RIC3: variants seen among roughly 807,000 people sequenced by gnomAD.
RIC3 encodes the protein protein RIC-3.
RIC3 carries 28 observed loss-of-function variants against 27.3 expected under a neutral mutation model. That is an observed-to-expected ratio of 1.02 (90% confidence interval 0.76 to 1.41). RIC3 has a LOEUF of 1.41. Ranked by LOEUF, RIC3 falls within the 40% of genes most tolerant of loss-of-function variation. The pLI, the probability that RIC3 is intolerant of heterozygous loss-of-function variation, is 0.00. For synonymous variants in RIC3, 184 were observed against 160.4 expected (o/e 1.15, Z -1.11); for missense variants, 501 against 444.7 (o/e 1.13, Z -1.14).
the RIC3 span, among the ~76,000 whole-genome samples, chr11:8,094,594 G>A: frequency 5.3e-5 from 8 of 152,308 alleles, no homozygotes; most frequent in Non-Finnish European, 8.8e-5. Flanking sequence ...AGCCCTCGCC[G>A]TCAGCTCTTC....
At chr11:8,154,651 T>C (rs986159843) in intron 1 of RIC3, among the ~76,000 whole-genome samples, 3 of 152,066 alleles carry the variant, frequency 2.0e-5, no homozygotes, top group Non-Finnish European at 4.4e-5. Flanking sequence ...CATATTATAA[T>C]TTATTTACCC....
At chr11:8,148,038 GA>G (rs1459422569) in intron 1 of RIC3, among the ~76,000 whole-genome samples, 2 of 152,088 alleles carry the variant, frequency 1.3e-5, no homozygotes, top group Non-Finnish European at 2.9e-5. Context: ...TAAAAAATCA[GA>G]ATTTAGTTCT....
the RIC3 span, chr11:8,096,558 AGT>A: frequency 2.3e-3 from 1,670 of 715,652 alleles, 14 homozygotes; most frequent in Non-Finnish European, 2.8e-3. Flanking sequence ...TATGGCTAAG[AGT>A]GTGTGCATAA....
chr11:8,100,728 GGGAAATCCAA>G, the RIC3 span: 1 of 1,567,230 alleles, frequency 6.4e-7, no homozygotes, highest in African/African-American at 1.4e-5. Context: ...TGGAGGTCTA[GGGAAATCCAA>G]GGACCCCCAT....
At chr11:8,144,184 C>T (rs1022197561) in intron 1 of RIC3, among the ~76,000 whole-genome samples, 1 of 151,928 alleles carries the variant, frequency 6.6e-6, no homozygotes, top group Admixed American at 6.6e-5. Context: ...CAAATGGGAT[C>T]TAATGAAACT....
chr11:8,111,175 T>C (rs903790173), intron 5 of RIC3, 38 bp from the exon 6 acceptor site: 15 of 1,379,896 alleles, frequency 1.1e-5, no homozygotes, highest in Non-Finnish European at 1.3e-5. Flanking sequence ...ACAAAGAATG[T>C]CTCCTCAAAA....
At chr11:8,103,874 C>A (rs991397930), downstream of RIC3, 5 of 152,264 alleles carry the variant, frequency 3.3e-5, no homozygotes, top group Non-Finnish European at 7.3e-5. Context: ...ATCAGAAGCA[C>A]AAAGGAAAAC....
intron 5 of RIC3, among the ~76,000 whole-genome samples, chr11:8,111,612 C>T (rs1450216911): frequency 6.6e-6 from 1 of 152,178 alleles, no homozygotes; most frequent in African/African-American, 2.4e-5. Context: ...ATGAAGCTTT[C>T]TATTTATCCA....
intron 4 of RIC3, among the ~76,000 whole-genome samples, chr11:8,133,158 C>T (rs1186778472): frequency 6.6e-6 from 1 of 152,146 alleles, no homozygotes; most frequent in Non-Finnish European, 1.5e-5. Context: ...TCTGGTGCCT[C>T]CCTCTTTTGT....
the RIC3 span, among the ~76,000 whole-genome samples, chr11:8,094,798 G>C: frequency 6.6e-6 from 1 of 152,222 alleles, no homozygotes; most frequent in African/African-American, 2.4e-5. Flanking sequence ...TTCACGGACA[G>C]TGGTTTCCAG....
intron 3 of RIC3, among the ~76,000 whole-genome samples, chr11:8,137,754 T>C (rs1282128453): frequency 6.9e-6 from 1 of 144,166 alleles, no homozygotes; most frequent in Non-Finnish European, 1.5e-5. Context: ...GCCAAGTCTC[T>C]TACTTGCGGG....
At chr11:8,093,438 A>G in the RIC3 span, among the ~76,000 whole-genome samples, 1 of 152,106 alleles carries the variant, frequency 6.6e-6, no homozygotes, top group Non-Finnish European at 1.5e-5. Context: ...GCAATCAGAA[A>G]CCATTCAAGG....
At chr11:8,111,274 C>A in intron 5 of RIC3, 137 bp from the exon 6 acceptor site, 1 of 663,846 alleles carries the variant, frequency 1.5e-6, no homozygotes. Flanking sequence ...TCTAAGATTC[C>A]AATAGTTCTA....
the RIC3 span, chr11:8,100,669 G>C: frequency 6.4e-7 from 1 of 1,557,438 alleles, no homozygotes; most frequent in Non-Finnish European, 8.8e-7. Flanking sequence ...TCTAAGGGCA[G>C]AACTCCAGCT....
At chr11:8,146,058 G>A (rs72849324) in intron 1 of RIC3, among the ~76,000 whole-genome samples, 3 of 152,250 alleles carry the variant, frequency 2.0e-5, no homozygotes, top group Non-Finnish European at 4.4e-5. Flanking sequence ...CTCAAATAAG[G>A]TTATATATAT....
At chr11:8,118,165 G>C (rs929539706) in intron 5 of RIC3, among the ~76,000 whole-genome samples, 10 of 149,286 alleles carry the variant, frequency 6.7e-5, no homozygotes, top group Non-Finnish European at 8.9e-5. Context: ...GGAGCTTGTA[G>C]TGAGCCAAGA....
chr11:8,168,662 C>T (rs1007786156), intron 1 of RIC3, among the ~76,000 whole-genome samples: 4 of 152,246 alleles, frequency 2.6e-5, no homozygotes, highest in African/African-American at 9.6e-5. Context: ...ACCCTTCCAG[C>T]AGCAGAACCA....
chr11:8,139,738 T>A, intron 2 of RIC3: 1 of 492,342 alleles, frequency 2.0e-6, no homozygotes, highest in Non-Finnish European at 3.6e-6. Context: ...TAGTTCTGCC[T>A]TGTTAGTTGT....
At chr11:8,158,102 T>C (rs1325529420) in intron 1 of RIC3, among the ~76,000 whole-genome samples, 1 of 152,180 alleles carries the variant, frequency 6.6e-6, no homozygotes. Context: ...GAAGCTAGTT[T>C]AAGATAACAC....
Sources: gnomAD v4.1 joint callset for allele counts (sites outside exome capture counted in the v4.1 genomes callset) on GRCh38, gnomAD v4.1.1 for gene constraint, MANE v1.5 for transcripts, NCBI Gene and HGNC (gene_info 2026-07-23, HGNC 2026-07-21) for gene names.